Variants in ATP8B3 observed in about 807,000 individuals in gnomAD.
ATP8B3 encodes the protein phospholipid-transporting ATPase IK.
In ATP8B3, 141 loss-of-function variants were observed where a neutral mutation model predicts 140.9. The ratio of observed to expected loss-of-function variants is 1.00; its 90% confidence interval spans 0.87 to 1.15. The LOEUF (loss-of-function observed/expected upper bound fraction) is 1.15. Ranked by LOEUF, ATP8B3 falls within the 50% of genes most tolerant of loss-of-function variation. The pLI is 0.00. For synonymous variants in ATP8B3, 765 were observed against 714.6 expected, an observed-to-expected ratio of 1.07 and a Z score of -1.13; for missense variants, 1,874 against 1,740.6, an observed-to-expected ratio of 1.08 and a Z score of -1.36.
chr19:1,789,416 G>A lies in ATP8B3; in HGVS notation c.2790C>T (p.His930=). Residue 930 remains histidine (H), a synonymous_variant, in exon 23 of 29, where the codon CAC becomes CAT. Coordinates refer to ENST00000310127, the MANE Select transcript of ATP8B3 (RefSeq NM_138813.4). ...CCCCGATGGCCAGGGTCACCACCTGGTGGTACTTCTTGACCAGGGCCACGA... is the reference window on the plus strand; with the variant it reads ...CCCCGATGGCCAGGGTCACCACCTGATGGTACTTCTTGACCAGGGCCACGA... ...ALIVALVKKY[H]QVVTLAIGDG... 2.5e-6 allele frequency: 4 copies of A among 1,598,074 alleles called. No homozygotes were observed. The highest frequency in any genetic ancestry group is 1.7e-6 in the Non-Finnish European group (2 of 1,177,514).
chr19:1,790,720 A>T, intron 21 of ATP8B3, 37 bp downstream of exon 21: 1 of 1,160,938 alleles, frequency 8.6e-7, no homozygotes, highest in Non-Finnish European at 1.1e-6. Flanking sequence ...TCACCTCCCC[A>T]CTCCCCTTGC....
At chr19:1,795,464 T>A (rs1351934796) in intron 18 of ATP8B3, among the ~76,000 whole-genome samples, 1 of 151,674 alleles carries the variant, frequency 6.6e-6, no homozygotes, top group Non-Finnish European at 1.5e-5. Context: ...GGCAGGAGAA[T>A]CACTTGAACC....
intron 21 of ATP8B3, 90 bp from the exon 22 acceptor site, chr19:1,790,079 C>A: frequency 3.2e-6 from 3 of 925,752 alleles, no homozygotes; most frequent in Non-Finnish European, 5.1e-6. Flanking sequence ...ACCCCTTCCA[C>A]TGCCCACTCC....
In ATP8B3 at chr19:1,785,203, C is replaced by T. The variant is rs750848646; in HGVS notation, c.3488G>A (p.Ser1163Asn). ...FYAIMTTTTQ[S>N]FWLFRVSPTT... Reference sequence around the variant, plus strand: ...GGGGGATACTCTGAAGAGCCAGAAGCTCTGGGTGGTGGTAGTCATGATGGC... The same window carrying T: ...GGGGGATACTCTGAAGAGCCAGAAGTTCTGGGTGGTGGTAGTCATGATGGC... The change falls in exon 27 of 29, where the codon AGC becomes AAC. Residue 1163 changes from serine (S) to asparagine (N), a missense_variant. By Grantham distance (46) the Ser-to-Asn change is conservative. Around this residue, in one of 3 missense-constraint regions of ATP8B3, gnomAD observed 840 missense variants for 760.9 expected, o/e 1.10. Transcript: ENST00000310127. 2 of 1,604,462 alleles carry T rather than the reference C, an allele frequency of 1.2e-6. No homozygotes were observed. Among genetic ancestry groups the T allele is most frequent in the South Asian group, 2.2e-5 (2 of 89,432 alleles).
rs1171396870 is a variant in ATP8B3 at position 1,800,859 on chromosome 19, C to T, written c.1153-410G>A. ...TTTTTTTTTTTTTGAGACAGAGTCT[C>T]GCTCTCTCTCCCAGGCTGGAGTGCA... is the stretch of plus-strand genomic sequence containing the variant. On this transcript the variant is annotated intron_variant, in intron 12 of 28. Coordinates refer to ENST00000310127, the MANE Select transcript of ATP8B3 (RefSeq NM_138813.4). The surrounding 1 kb of genome is among the most constrained non-coding windows in gnomAD (Gnocchi z 4.4). Among the ~76,000 whole-genome samples the T allele has an allele frequency of 3.4e-5, 5 of 148,102 alleles. No individual in the cohort carries two copies. Among genetic ancestry groups the T allele is most frequent in the African/African-American group, 7.5e-5 (3 of 40,198 alleles).
chr19:1,798,647 A>G (rs1441215503), intron 14 of ATP8B3: 4 of 151,778 alleles, frequency 2.6e-5, no homozygotes, highest in Non-Finnish European at 5.9e-5. Context: ...CTGAGGCAGG[A>G]GAATGGCGTG....
At chr19:1,790,916 C>A (rs893504164) in intron 20 of ATP8B3, 84 bp from the exon 21 acceptor site, 4 of 1,262,522 alleles carry the variant, frequency 3.2e-6, no homozygotes, top group Non-Finnish European at 4.4e-6. Flanking sequence ...CCGGTGAATC[C>A]TGGCCCGACC....
At chr19:1,802,179 C>T in intron 11 of ATP8B3, 135 bp from the exon 12 acceptor site, 1 of 567,402 alleles carries the variant, frequency 1.8e-6, no homozygotes, top group Non-Finnish European at 3.0e-6. Flanking sequence ...CATCACTCAC[C>T]CATCCACCCC....
chr19:1,785,822 GAGTTTA>G, intron 25 of ATP8B3, 114 bp from the exon 26 acceptor site: 1 of 1,150,660 alleles, frequency 8.7e-7, no homozygotes, highest in Non-Finnish European at 1.2e-6. Flanking sequence ...GTGGCTCTTT[GAGTTTA>G]AGTGAGTTAA....
rs2069059291 is a variant in ATP8B3, at chr19:1,807,391, G to A, written c.517-125C>T. The A allele has an allele frequency of 4.0e-6, 3 of 744,066 alleles. No individual in the cohort carries two copies. Among genetic ancestry groups the A allele is most frequent in the African/African-American group, 1.7e-5 (1 of 57,608 alleles). 46.1% of individuals were successfully genotyped at this position (744,066 alleles called of 1,614,324 possible). On this transcript the variant is annotated intron_variant, in intron 5 of 28. Transcript: ENST00000310127. This position sits in a 1 kb window ranked among gnomAD's most constrained non-coding sequence, Gnocchi z 5.9. ...ACATCTGCTGGCCACCTTGACCGGGGTCCAGCCATCTCCTGCAACCCCCAG... is the reference window on the plus strand; with the variant it reads ...ACATCTGCTGGCCACCTTGACCGGGATCCAGCCATCTCCTGCAACCCCCAG...
rs1453917500 is a variant in ATP8B3 at position 1,806,609 on chromosome 19, G to A, written c.677+19C>T. On this transcript the variant is annotated intron_variant, in intron 7 of 28. Coordinates refer to ENST00000310127, the MANE Select transcript of ATP8B3 (RefSeq NM_138813.4). The surrounding 1 kb of genome is among the most constrained non-coding windows in gnomAD (Gnocchi z 5.6). Reference sequence around the variant, plus strand: ...GCCCCCGTGTCCCCGCGGATCCCCAGCTGCAGCCCCAGCCTCACCTCTTCC... The same window carrying A: ...GCCCCCGTGTCCCCGCGGATCCCCAACTGCAGCCCCAGCCTCACCTCTTCC... 1 of 1,553,248 alleles carries A rather than the reference G, an allele frequency of 6.4e-7. No individual in the cohort carries two copies. The highest frequency in any genetic ancestry group is 2.4e-5 in the East Asian group (1 of 41,076).
chr19:1,811,641 G>C lies in ATP8B3; in HGVS notation c.96C>G (p.Asp32Glu). 1 of 1,611,186 alleles carries C rather than the reference G, an allele frequency of 6.2e-7. No homozygotes were observed. Among genetic ancestry groups the C allele is most frequent in the Non-Finnish European group, 8.5e-7 (1 of 1,179,670 alleles). ...PPGPGDTGDS[D>E]VTQEGSGPAG... ...CAGGACCTGAGCCTTCCTGAGTCAC[G>C]TCTGAGTCACCCGTGTCCCCAGGTC... Residue 32 changes from aspartate (D) to glutamate (E), a missense_variant, in exon 2 of 29, where the codon GAC becomes GAG. Asp to Glu is a conservative substitution (Grantham distance 45). This residue lies in a region of ATP8B3 where 1,032 missense variants were observed against 963.6 expected (regional missense o/e 1.07). Coordinates refer to ENST00000310127, the MANE Select transcript of ATP8B3 (RefSeq NM_138813.4).
chr19:1,811,549 G>A lies in ATP8B3; in HGVS notation c.188C>T (p.Pro63Leu), dbSNP rs752023352. 6.2e-7 allele frequency: 1 copy of A among 1,612,234 alleles called. No individual in the cohort carries two copies. The change falls in exon 2 of 29, where the codon CCT (proline) becomes CTT (leucine). Residue 63 changes from proline to leucine, a missense_variant. This residue lies in a region of ATP8B3 where 1,032 missense variants were observed against 963.6 expected (regional missense o/e 1.07). Coordinates refer to ENST00000310127, the MANE Select transcript of ATP8B3 (RefSeq NM_138813.4). ...GMGDSPGRGAPERRHKAQPGR... is the reference protein window; with the variant it reads ...GMGDSPGRGALERRHKAQPGR... ...AGGCTGGGCCTTGTGCCTCCTCTCAGGTGCCCCTCTGCCTGGGGAGTCTCC... is the reference window on the plus strand; with the variant it reads ...AGGCTGGGCCTTGTGCCTCCTCTCAAGTGCCCCTCTGCCTGGGGAGTCTCC...
chr19:1,812,107 A>C (rs1336530216), intron 1 of ATP8B3, 79 bp downstream of exon 1: 3 of 202,478 alleles, frequency 1.5e-5, no homozygotes, highest in Non-Finnish European at 3.0e-5. Flanking sequence ...CCACGACCCC[A>C]GCTCTCAGCC....
intron 10 of ATP8B3, among the ~76,000 whole-genome samples, chr19:1,804,603 G>A (rs1236589817): frequency 9.5e-5 from 14 of 147,536 alleles, no homozygotes; most frequent in Non-Finnish European, 1.5e-4. Flanking sequence ...GCGAGACTCC[G>A]TCTCAAAAAA....
At chr19:1,796,026 C>G (rs745351386) in intron 17 of ATP8B3, 39 bp from the exon 18 acceptor site, 4 of 1,611,678 alleles carry the variant, frequency 2.5e-6, no homozygotes, top group Non-Finnish European at 3.4e-6. Context: ...AGAGGCTCCC[C>G]GTCTGCCCGC....
At chr19:1,792,396 A>G (rs2068540952) in intron 18 of ATP8B3, among the ~76,000 whole-genome samples, 1 of 151,242 alleles carries the variant, frequency 6.6e-6, no homozygotes, top group Non-Finnish European at 1.5e-5. Context: ...GTTGGCCAAC[A>G]TGGTGAAACC....
chr19:1,798,173 G>A (rs985663637), intron 14 of ATP8B3, among the ~76,000 whole-genome samples: 5 of 151,856 alleles, frequency 3.3e-5, no homozygotes, highest in Non-Finnish European at 5.9e-5. Context: ...GTTTTGTCAT[G>A]TTGGCCAGGC....
intron 28 of ATP8B3, among the ~76,000 whole-genome samples, 158 bp from the exon 29 acceptor site, chr19:1,783,428 C>G (rs917312861): frequency 3.9e-5 from 6 of 152,186 alleles, no homozygotes; most frequent in Non-Finnish European, 8.8e-5. Context: ...GTCCTCGACT[C>G]TCAGTGTTGA....
Sources: allele counts gnomAD v4.1 joint callset (sites outside exome capture counted in the v4.1 genomes callset), GRCh38; gene constraint gnomAD v4.1.1; regional missense constraint gnomAD v4.1.1; non-coding constraint Gnocchi (gnomAD v3.1); transcripts MANE v1.5; gene names NCBI Gene and HGNC (gene_info 2026-07-23, HGNC 2026-07-21).